The following EBPL variants were observed in gnomAD, a reference collection of about 807,000 sequenced individuals.
The protein encoded by EBPL is emopamil-binding protein-like.
A neutral mutation model predicts 19.0 loss-of-function variants in EBPL; 20 were observed. That is an observed-to-expected ratio of 1.05 (90% confidence interval 0.74 to 1.53). The LOEUF is 1.53. Ranked by LOEUF, EBPL falls within the 40% of genes most tolerant of loss-of-function variation. The pLI is 0.00. For synonymous variants in EBPL, 107 were observed against 117.0 expected (o/e 0.91, Z 0.55); for missense variants, 219 against 261.1 (o/e 0.84, Z 1.11).
intron 1 of EBPL, among the ~76,000 whole-genome samples, chr13:49,690,173 CA>C (rs1332181431): frequency 0.036 from 3,469 of 96,402 alleles, 133 homozygotes; most frequent in East Asian, 0.12. Flanking sequence ...AAAAAAAAGA[CA>C]AAAAAAAAAA....
chr13:49,673,247 T>G (rs971634217), intron 1 of EBPL, among the ~76,000 whole-genome samples: 7 of 152,148 alleles, frequency 4.6e-5, no homozygotes, highest in African/African-American at 1.7e-4. Flanking sequence ...CTTCTAAAAC[T>G]AAATATGCAA....
At chr13:49,664,600 T>C (rs1594404007) in intron 2 of EBPL, among the ~76,000 whole-genome samples, 1 of 152,204 alleles carries the variant, frequency 6.6e-6, no homozygotes, top group African/African-American at 2.4e-5. Context: ...TAATACATGC[T>C]GGTCCTAAGA....
intron 1 of EBPL, among the ~76,000 whole-genome samples, chr13:49,678,991 G>C (rs555464106): frequency 2.6e-5 from 3 of 116,514 alleles, no homozygotes; most frequent in African/African-American, 9.8e-5. Flanking sequence ...CTGGGTGACA[G>C]AGTGAGACTC....
intron 2 of EBPL, among the ~76,000 whole-genome samples, chr13:49,664,302 G>A (rs1053266287): frequency 6.6e-6 from 1 of 152,168 alleles, no homozygotes; most frequent in Non-Finnish European, 1.5e-5. Flanking sequence ...GGTGCTGAAG[G>A]GACAGTGGGC....
chr13:49,670,463 G>A (rs987966837), intron 1 of EBPL, among the ~76,000 whole-genome samples: 13 of 152,160 alleles, frequency 8.5e-5, no homozygotes, highest in Non-Finnish European at 1.5e-5. Flanking sequence ...GAAGCCACTG[G>A]GATATGTAAT....
intron 1 of EBPL, among the ~76,000 whole-genome samples, chr13:49,676,599 A>C (rs912239575): frequency 2.1e-5 from 2 of 93,904 alleles, no homozygotes; most frequent in African/African-American, 5.9e-5. Context: ...CTCAAAAAAA[A>C]TAAAATAAAT....
chr13:49,662,991 G>T, intron 3 of EBPL, 66 bp downstream of exon 3: 1 of 1,591,166 alleles, frequency 6.3e-7, no homozygotes, highest in Non-Finnish European at 8.6e-7. Flanking sequence ...TACTCCAAAG[G>T]TCACCTAAGT....
intron 2 of EBPL, among the ~76,000 whole-genome samples, chr13:49,665,645 T>C (rs7318637): frequency 0.16 from 24,908 of 152,040 alleles, 2,252 homozygotes; most frequent in South Asian, 0.26. Flanking sequence ...CCTCAAGTGA[T>C]CCATCTGTTT....
Position 49,683,742 on chromosome 13 carries a change from G to A in EBPL, c.171+7512C>T, listed in dbSNP as rs74657542. On this transcript the variant is annotated intron_variant, in intron 1 of 3. Coordinates refer to ENST00000242827, the MANE Select transcript of EBPL (RefSeq NM_032565.5). ...TGAGGCTGTGGGGCAACAGGAACTCGCACACAATGCTAGTGGGAATGCACA... is the reference window on the plus strand; with the variant it reads ...TGAGGCTGTGGGGCAACAGGAACTCACACACAATGCTAGTGGGAATGCACA... Among the ~76,000 whole-genome samples the A allele has an allele frequency of 1.3e-3, 193 of 152,222 alleles. 1 individual carries two copies. The highest frequency in any genetic ancestry group is 4.5e-3 in the African/African-American group (185 of 41,532).
chr13:49,684,960 C>T (rs1041555893), intron 1 of EBPL, among the ~76,000 whole-genome samples: 1 of 152,116 alleles, frequency 6.6e-6, no homozygotes, highest in Admixed American at 6.6e-5. Flanking sequence ...GGCTGGAGTG[C>T]AGTGGTGTGA....
chr13:49,663,194 C>T lies in EBPL; in HGVS notation c.243G>A (p.Trp81Ter). The change falls in exon 3 of 4, where the codon TGG (tryptophan) becomes TGA (stop). Residue 81 changes from tryptophan to a stop codon, truncating the protein, a stop_gained and splice_region_variant. Coordinates refer to ENST00000242827, the MANE Select transcript of EBPL (RefSeq NM_032565.5). LOFTEE classifies it high-confidence loss of function. ...TTGCATCAGCTTTGCCATATTCTTT[C>T]CCTAAAGACAAAATCCATGTTGTTA... Reference protein sequence around the residue: ...ANSDGLIASLWKEYGKADARW... With the variant: ...ANSDGLIASL 1 of 1,613,672 alleles carries T rather than the reference C, an allele frequency of 6.2e-7. No individual in the cohort carries two copies.
chr13:49,677,380 A>G (rs1953887808), intron 1 of EBPL, among the ~76,000 whole-genome samples: 2 of 152,198 alleles, frequency 1.3e-5, no homozygotes, highest in Non-Finnish European at 2.9e-5. Flanking sequence ...AAAGGAGGTG[A>G]GCCTGCCAAT....
intron 2 of EBPL, among the ~76,000 whole-genome samples, chr13:49,664,961 T>A (rs1356641900): frequency 1.3e-5 from 2 of 152,004 alleles, no homozygotes; most frequent in African/African-American, 2.4e-5. Flanking sequence ...AATAACTAAC[T>A]GGAAAACAAT....
intron 1 of EBPL, among the ~76,000 whole-genome samples, chr13:49,673,960 A>C (rs1566316906): frequency 9.0e-5 from 3 of 33,406 alleles, no homozygotes; most frequent in African/African-American, 2.2e-4. Context: ...TATGGAACTT[A>C]ATACACACAC....
intron 1 of EBPL, among the ~76,000 whole-genome samples, chr13:49,681,736 A>G (rs1953945330): frequency 1.3e-5 from 2 of 152,262 alleles, no homozygotes; most frequent in South Asian, 4.1e-4. Flanking sequence ...TACTCATTTT[A>G]ATCCTTAAAG....
intron 1 of EBPL, among the ~76,000 whole-genome samples, chr13:49,687,228 C>T (rs76322775): frequency 0.02 from 3,066 of 152,270 alleles, 41 homozygotes; most frequent in South Asian, 0.031. Flanking sequence ...CATGTCCACC[C>T]CCAATCTACA....
chr13:49,687,457 C>A (rs536683882), intron 1 of EBPL, among the ~76,000 whole-genome samples: 3 of 152,170 alleles, frequency 2.0e-5, no homozygotes, highest in African/African-American at 7.2e-5. Context: ...CCATGAATAT[C>A]TCACATCCTG....
intron 1 of EBPL, among the ~76,000 whole-genome samples, chr13:49,672,634 A>G (rs1279938982): frequency 6.6e-6 from 1 of 152,264 alleles, no homozygotes; most frequent in East Asian, 1.9e-4. Flanking sequence ...GGGCAAAAGA[A>G]ATGAATAGAC....
chr13:49,669,240 G>T (rs1235752023), intron 2 of EBPL, among the ~76,000 whole-genome samples: 1 of 150,906 alleles, frequency 6.6e-6, no homozygotes, highest in East Asian at 2.0e-4. Context: ...TTGCTCTGTC[G>T]CCCGGGCTGG....
Sources: allele counts gnomAD v4.1 joint callset (sites outside exome capture counted in the v4.1 genomes callset), GRCh38; gene constraint gnomAD v4.1.1; transcripts MANE v1.5; gene names NCBI Gene and HGNC (gene_info 2026-07-23, HGNC 2026-07-21).